AUTS2: variants seen among roughly 807,000 people sequenced by gnomAD.
AUTS2 encodes activator of transcription and developmental regulator AUTS2, also known as autism susceptibility gene 2 protein.
A neutral mutation model predicts 112.4 loss-of-function variants in AUTS2; 17 were observed. The ratio of observed to expected loss-of-function variants is 0.15; its 90% CI spans 0.10 to 0.23. The LOEUF is 0.23. AUTS2 is among the 10% of genes least tolerant of loss of function. AUTS2 has a pLI of 1.00. For missense variants in AUTS2, 1,510 were observed against 1,701.6 expected (o/e 0.89, Z 1.98); for synonymous variants, 751 against 702.7 (o/e 1.07, Z -1.09).
chr7:70,122,189 G>A (rs922225758), intron 3 of AUTS2, among the ~76,000 whole-genome samples: 1 of 152,194 alleles, frequency 6.6e-6, no homozygotes. Context: ...GGGGGATGGA[G>A]AGTGGGAGGG....
chr7:70,513,666 C>CTTTTTT lies in AUTS2; in HGVS notation c.690+77896_690+77901dup, dbSNP rs35815016. ...TAGAAATCATCTACTTTTCTGTTTC[C>CTTTTTT]TTTTTTTTTTTTTTTTGAGATGGAG... On this transcript the variant is annotated intron_variant, in intron 5 of 18. Transcript: ENST00000342771. 3.6e-5 allele frequency among the ~76,000 whole-genome samples: 5 copies of CTTTTTT among 140,428 alleles called. 2 individuals are homozygous for CTTTTTT. Among genetic ancestry groups the CTTTTTT allele is most frequent in the Non-Finnish European group, 3.1e-5 (2 of 64,320 alleles). The allele number at this position is 140,428 out of a possible 152,430, so 92.1% of individuals were successfully genotyped here. A position where few individuals can be genotyped will look rare whatever the true frequency, so the allele number is the denominator to read the frequency against.
chr7:70,167,935 A>G (rs1808469101), intron 4 of AUTS2, among the ~76,000 whole-genome samples: 1 of 152,240 alleles, frequency 6.6e-6, no homozygotes, highest in Non-Finnish European at 1.5e-5. Flanking sequence ...AATTGATGAC[A>G]GTGACATTCT....
intron 5 of AUTS2, among the ~76,000 whole-genome samples, chr7:70,471,218 A>G (rs1323619436): frequency 6.6e-6 from 1 of 152,228 alleles, no homozygotes; most frequent in Non-Finnish European, 1.5e-5. Flanking sequence ...GTTTATGGCT[A>G]TAATCAACAA....
At chr7:70,398,954 A>G (rs772724453) in intron 4 of AUTS2, among the ~76,000 whole-genome samples, 3 of 149,994 alleles carry the variant, frequency 2.0e-5, no homozygotes, top group Non-Finnish European at 3.0e-5. Context: ...TTTTTCTGCA[A>G]CTATGAAGAA....
chr7:70,409,822 G>A (rs899819275), intron 4 of AUTS2, among the ~76,000 whole-genome samples: 6 of 152,160 alleles, frequency 3.9e-5, no homozygotes, highest in Admixed American at 1.3e-4. Context: ...AATATTGGTA[G>A]ACTTTCCTTT....
chr7:70,030,218 C>T (rs1389341857), intron 2 of AUTS2, among the ~76,000 whole-genome samples: 1 of 152,144 alleles, frequency 6.6e-6, no homozygotes, highest in African/African-American at 2.4e-5. Context: ...TTGATGAGGG[C>T]ATTTCCTTGT....
At chr7:69,705,015 C>T (rs1797999485) in intron 1 of AUTS2, among the ~76,000 whole-genome samples, 1 of 152,120 alleles carries the variant, frequency 6.6e-6, no homozygotes, top group Non-Finnish European at 1.5e-5. Flanking sequence ...TACAGGTGCA[C>T]ACCACCATGC....
At chr7:69,793,219 T>G (rs945853758) in intron 1 of AUTS2, among the ~76,000 whole-genome samples, 1 of 152,152 alleles carries the variant, frequency 6.6e-6, no homozygotes, top group African/African-American at 2.4e-5. Context: ...GGTAACTATC[T>G]AAGACCTATG....
At chr7:70,331,288 T>C (rs1790733728) in intron 4 of AUTS2, among the ~76,000 whole-genome samples, 1 of 152,218 alleles carries the variant, frequency 6.6e-6, no homozygotes, top group Non-Finnish European at 1.5e-5. Context: ...AGGGTGTATG[T>C]GTCCAGAATT....
In AUTS2 at chr7:70,784,881, C is replaced by T. The variant is rs139250024; in HGVS notation, c.2147-61C>T. 934 of 1,495,064 alleles carry T rather than the reference C, an allele frequency of 6.2e-4. 4 individuals are homozygous for T. In the African/African-American group the frequency reaches 0.01, roughly 17 times the overall value. The allele number at this position is 1,495,064 out of a possible 1,614,324, so 92.6% of individuals were successfully genotyped here. On this transcript the variant is annotated intron_variant, in intron 15 of 18. Transcript: ENST00000342771. The stretch of plus-strand genomic sequence containing the variant: ...ACGGGGCCCTTAAGCAAGTAGAAGC[C>T]GGTTGCATCTTCGAAGTTGGCTTTT...
chr7:69,699,570 T>C (rs1267199517), intron 1 of AUTS2, among the ~76,000 whole-genome samples: 1 of 152,156 alleles, frequency 6.6e-6, no homozygotes, highest in African/African-American at 2.4e-5. Flanking sequence ...TACCATAATT[T>C]ACTTAACCTG....
At chr7:70,205,027 T>A (rs191278752) in intron 4 of AUTS2, among the ~76,000 whole-genome samples, 6 of 152,208 alleles carry the variant, frequency 3.9e-5, no homozygotes, top group Admixed American at 3.9e-4. Flanking sequence ...CTAAGAAGTA[T>A]CTGCATTGTT....
chr7:69,766,842 C>T (rs1319606130), intron 1 of AUTS2, among the ~76,000 whole-genome samples: 3 of 152,214 alleles, frequency 2.0e-5, no homozygotes, highest in Non-Finnish European at 2.9e-5. Context: ...GGTTATACCT[C>T]CAGTTGTGTT....
intron 1 of AUTS2, among the ~76,000 whole-genome samples, chr7:69,865,170 A>G (rs1793165898): frequency 6.6e-6 from 1 of 151,234 alleles, no homozygotes; most frequent in Non-Finnish European, 1.5e-5. Flanking sequence ...CTTTGCTTGA[A>G]GTGAGTGATG....
chr7:69,686,477 G>C (rs1797073216), intron 1 of AUTS2, among the ~76,000 whole-genome samples: 2 of 152,232 alleles, frequency 1.3e-5, no homozygotes, highest in African/African-American at 4.8e-5. Context: ...TAACACACTG[G>C]GTTTAGGGAC....
intron 5 of AUTS2, among the ~76,000 whole-genome samples, chr7:70,489,557 T>C (rs1257701896): frequency 2.0e-5 from 3 of 152,338 alleles, no homozygotes; most frequent in South Asian, 4.1e-4. Flanking sequence ...GTTCCCACTT[T>C]AGTGACGTAG....
intron 4 of AUTS2, among the ~76,000 whole-genome samples, chr7:70,242,108 C>T (rs1446553908): frequency 6.6e-6 from 1 of 152,156 alleles, no homozygotes. Flanking sequence ...TTACCAGACA[C>T]AGTGGCAACA....
In AUTS2 at chr7:70,365,848, T is replaced by C. The variant is rs576248690; in HGVS notation, c.661-69904T>C. ...ATGACCAGATTTGTTCCTGACCAGATTGGTCTTCCAGGGCAACCTGGAAAG... is the reference window on the plus strand; with the variant it reads ...ATGACCAGATTTGTTCCTGACCAGACTGGTCTTCCAGGGCAACCTGGAAAG... On this transcript the variant is annotated intron_variant, in intron 4 of 18. Transcript: ENST00000342771. Among the ~76,000 whole-genome samples, 8 of 152,326 alleles carry C rather than the reference T, an allele frequency of 5.3e-5. No homozygotes were observed. In the South Asian group the frequency reaches 1.2e-3, roughly 24 times the overall value.
chr7:70,381,002 A>C (rs1394930379), intron 4 of AUTS2, among the ~76,000 whole-genome samples: 2 of 152,252 alleles, frequency 1.3e-5, no homozygotes, highest in African/African-American at 4.8e-5. Flanking sequence ...AATACCTCTT[A>C]TGGAGATGGT....
Sources: gnomAD v4.1 joint callset for allele counts (sites outside exome capture counted in the v4.1 genomes callset) on GRCh38, gnomAD v4.1.1 for gene constraint, MANE v1.5 for transcripts, NCBI Gene and HGNC (gene_info 2026-07-23, HGNC 2026-07-21) for gene names.